Variants in MAP9 observed in about 807,000 individuals in gnomAD.
MAP9 encodes microtubule associated protein 9.
A neutral mutation model predicts 75.2 loss-of-function variants in MAP9; 80 were observed. The ratio of observed to expected loss-of-function variants is 1.06; its 90% CI spans 0.89 to 1.28. MAP9 has a LOEUF of 1.28. MAP9 is among the 50% of genes most tolerant of loss of function. The probability of loss-of-function intolerance (pLI) is 0.00; values close to 1 mark genes in which losing one functional copy is unlikely to be tolerated. For missense variants in MAP9, 753 were observed against 719.9 expected (o/e 1.05, Z -0.53); for synonymous variants, 235 against 237.3 (o/e 0.99, Z 0.09).
intron 1 of MAP9, 64 bp from the exon 2 acceptor site, chr4:155,375,978 T>C (rs1026580549): frequency 4.9e-6 from 3 of 611,302 alleles, no homozygotes; most frequent in South Asian, 2.2e-5. Flanking sequence ...CATTTGATTC[T>C]ACTCTCCCCA....
At position 155,346,267 on chromosome 4, in the gene MAP9, A is replaced by T. The variant is rs1731283301; in HGVS notation, c.*1516T>A. ...TATAAGATGCCTGAGTAACTCATGAAATCTTATGGATTTTTATCTCACTTT... is the reference window on the plus strand; with the variant it reads ...TATAAGATGCCTGAGTAACTCATGATATCTTATGGATTTTTATCTCACTTT... On this transcript the variant is annotated 3_prime_UTR_variant, in exon 14 of 14. Transcript: ENST00000311277. 6.6e-6 allele frequency: 1 copy of T among 152,150 alleles called. No homozygotes were observed. Among genetic ancestry groups the T allele is most frequent in the Admixed American group, 6.6e-5 (1 of 15,264 alleles). The allele number at this position is 152,150 out of a possible 1,614,324, so 9.4% of individuals were successfully genotyped here.
At chr4:155,349,568 G>A (rs982243232) in intron 13 of MAP9, 4 of 152,136 alleles carry the variant, frequency 2.6e-5, no homozygotes, top group African/African-American at 9.7e-5. Context: ...TGGGAGGTTT[G>A]TTTGTTTTTT....
At chr4:155,350,000 T>C (rs17311826) in intron 13 of MAP9, 145,664 of 228,702 alleles carry the variant, frequency 0.64, 49,192 homozygotes, top group East Asian at 0.92. Context: ...AGACATTTAT[T>C]TGTGGAAAAC....
rs1483217664 is a variant in MAP9 at position 155,375,843 on chromosome 4, T to TC, written c.7dup (p.Asp3GlyfsTer2). 3 of 1,606,984 alleles carry TC rather than the reference T, an allele frequency of 1.9e-6. No homozygotes were observed. Among genetic ancestry groups the TC allele is most frequent in the Non-Finnish European group, 2.6e-6 (3 of 1,175,378 alleles). On this transcript the variant is annotated frameshift_variant, in exon 2 of 14. Transcript: ENST00000311277. LOFTEE classifies it high-confidence loss of function. ...TGCCAAAGTGGTGCTAAAAACTTCA[T>TC]CAGACATAGTGTATTTTTTCTCGTT...
intron 4 of MAP9, among the ~76,000 whole-genome samples, chr4:155,369,344 AC>A (rs370222741): frequency 0.16 from 22,457 of 138,592 alleles, 2,255 homozygotes; most frequent in South Asian, 0.27. Flanking sequence ...AAAAAAAAAA[AC>A]CAAACAACAA....
Position 155,344,719 on chromosome 4 carries a change from C to A in MAP9, c.*3064G>T, listed in dbSNP as rs960620888. 2.0e-5 allele frequency: 3 copies of A among 151,950 alleles called. 1 individual carries two copies. The South Asian group carries it at 6.2e-4, about 31-fold the overall frequency. The allele number at this position is 151,950 out of a possible 1,614,324, so 9.4% of individuals were successfully genotyped here. On this transcript the variant is annotated 3_prime_UTR_variant, in exon 14 of 14. Transcript: ENST00000311277. ...ATTAAGAAAACTTTAACCTCTTGATCTAAAATGCCATATTGCATCTTTTAA... is the reference window on the plus strand; with the variant it reads ...ATTAAGAAAACTTTAACCTCTTGATATAAAATGCCATATTGCATCTTTTAA...
chr4:155,375,986 C>A, intron 1 of MAP9, 72 bp from the exon 2 acceptor site: 1 of 575,626 alleles, frequency 1.7e-6, no homozygotes, highest in East Asian at 2.9e-5. Context: ...TCTACTCTCC[C>A]CACAAAGGTC....
At chr4:155,372,835 G>C (rs1732661255) in intron 4 of MAP9, among the ~76,000 whole-genome samples, 1 of 152,278 alleles carries the variant, frequency 6.6e-6, no homozygotes, top group Admixed American at 6.5e-5. Context: ...CTAGGTGTCT[G>C]GAGATCCACA....
rs771995077 is a variant in MAP9 at position 155,368,541 on chromosome 4, C to T, written c.708+45G>A. ...TCTTTTTCATAATCAGATAAAAAAG[C>T]ATAAATTCAAGAACACAATTCAACA... On this transcript the variant is annotated intron_variant, in intron 5 of 13. Transcript: ENST00000311277. 3.5e-6 allele frequency: 5 copies of T among 1,445,188 alleles called. No homozygotes were observed. In the South Asian group the frequency reaches 5.7e-5, roughly 17 times the overall value. 89.5% of individuals were successfully genotyped at this position (1,445,188 alleles called of 1,614,324 possible).
intron 7 of MAP9, among the ~76,000 whole-genome samples, 192 bp from the exon 8 acceptor site, chr4:155,357,711 A>T (rs997963028): frequency 2.6e-5 from 4 of 152,172 alleles, no homozygotes; most frequent in Non-Finnish European, 4.4e-5. Context: ...ACCAAAAATA[A>T]ATATATAAGC....
chr4:155,352,189 A>G (rs1250922952), intron 13 of MAP9: 1 of 165,712 alleles, frequency 6.0e-6, no homozygotes, highest in Non-Finnish European at 1.3e-5. Flanking sequence ...AGAATAAAAG[A>G]TGGAATAATT....
At chr4:155,364,245 C>T (rs1330457471) in intron 5 of MAP9, among the ~76,000 whole-genome samples, 1 of 151,870 alleles carries the variant, frequency 6.6e-6, no homozygotes, top group African/African-American at 2.4e-5. Flanking sequence ...ACATCAACCA[C>T]CATTTGAAAA....
At chr4:155,357,567 T>C (rs781348923) in intron 7 of MAP9, 48 bp from the exon 8 acceptor site, 1 of 1,155,564 alleles carries the variant, frequency 8.7e-7, no homozygotes, top group Non-Finnish European at 1.3e-6. Flanking sequence ...ACAACTATCC[T>C]TTTTAGGCTT....
At chr4:155,351,393 T>G (rs13120090) in intron 13 of MAP9, among the ~76,000 whole-genome samples, 92,263 of 150,812 alleles carry the variant, frequency 0.61, 28,946 homozygotes, top group East Asian at 0.79. Flanking sequence ...AAAAATAAGA[T>G]AATTCTGTTT....
chr4:155,372,747 A>C (rs1253676158), intron 4 of MAP9, among the ~76,000 whole-genome samples: 1 of 152,186 alleles, frequency 6.6e-6, no homozygotes, highest in Non-Finnish European at 1.5e-5. Flanking sequence ...CTGTAACTCT[A>C]ATCTTTGGAG....
At chr4:155,355,302 T>C (rs1043477133) in intron 9 of MAP9, 142 bp from the exon 10 acceptor site, 5 of 368,022 alleles carry the variant, frequency 1.4e-5, no homozygotes, top group African/African-American at 1.1e-4. Context: ...AAAAAAAGAC[T>C]TTTAGAATTG....
At chr4:155,362,236 G>A in intron 5 of MAP9, 95 bp from the exon 6 acceptor site, 3 of 763,628 alleles carry the variant, frequency 3.9e-6, no homozygotes, top group Non-Finnish European at 6.3e-6. Context: ...TTGAAATAGT[G>A]CATAACTCTG....
At position 155,343,509 on chromosome 4, in the gene MAP9, A is replaced by C. The variant is rs1447404996; in HGVS notation, c.*4274T>G. On this transcript the variant is annotated 3_prime_UTR_variant, in exon 14 of 14. Coordinates refer to ENST00000311277, the MANE Select transcript of MAP9 (RefSeq NM_001039580.2). ...CTCTCTGTAATTTGTGTAGTAAAAC[A>C]TCAGTTTTATATCCAAATTTTTAGT... 1.3e-5 allele frequency: 2 copies of C among 151,762 alleles called. No individual in the cohort carries two copies. Among genetic ancestry groups the C allele is most frequent in the South Asian group, 2.1e-4 (1 of 4,822 alleles). 9.4% of individuals were successfully genotyped at this position (151,762 alleles called of 1,614,324 possible). A position where few individuals can be genotyped will look rare whatever the true frequency, so the allele number is the denominator to read the frequency against.
chr4:155,351,686 GAA>G (rs972278371), intron 13 of MAP9, among the ~76,000 whole-genome samples: 6 of 151,766 alleles, frequency 4.0e-5, no homozygotes, highest in Non-Finnish European at 5.9e-5. Context: ...AATTTACAGA[GAA>G]AATAATAGAT....
Sources: allele counts gnomAD v4.1 joint callset (sites outside exome capture counted in the v4.1 genomes callset), GRCh38; gene constraint gnomAD v4.1.1; transcripts MANE v1.5; gene names NCBI Gene and HGNC (gene_info 2026-07-23, HGNC 2026-07-21).